WDR41: variants seen among roughly 807,000 people sequenced by gnomAD.
WDR41 encodes the protein WD repeat-containing protein 41.
In WDR41, 63 loss-of-function variants were observed where a neutral mutation model predicts 69.3. The ratio of observed to expected loss-of-function variants is 0.91; its 90% CI spans 0.74 to 1.12. The LOEUF (loss-of-function observed/expected upper bound fraction) is 1.12, where lower values mean the gene tolerates loss of function less well. Among genes scored for constraint, WDR41 ranks in the 50% most tolerant of loss-of-function variants. The pLI is 0.00. For synonymous variants in WDR41, 185 were observed against 192.1 expected (o/e 0.96, Z 0.31); for missense variants, 543 against 534.5 (o/e 1.02, Z -0.16).
chr5:77,598,943 C>A (rs764652245), intron 1 of WDR41, among the ~76,000 whole-genome samples: 2 of 151,934 alleles, frequency 1.3e-5, no homozygotes, highest in Non-Finnish European at 2.9e-5. Flanking sequence ...ATCAGGCATT[C>A]CTGACAAAAG....
At position 77,464,977 on chromosome 5, in the gene WDR41, A is replaced by G. The variant is rs550159190; in HGVS notation, c.168-168T>C. ...TGAAACACATTCCAGCTTCTGTACC[A>G]GGTATGGAAGATCAAAAGATAAATA... On this transcript the variant is annotated intron_variant, in intron 2 of 12. Transcript: ENST00000296679. Among the ~76,000 whole-genome samples, 68 of 152,344 alleles carry G rather than the reference A, an allele frequency of 4.5e-4. No homozygotes were observed. In the South Asian group the frequency reaches 0.014, roughly 31 times the overall value.
chr5:77,487,186 T>C (rs1801562477), intron 2 of WDR41, among the ~76,000 whole-genome samples: 1 of 152,210 alleles, frequency 6.6e-6, no homozygotes, highest in African/African-American at 2.4e-5. Flanking sequence ...TCACATACTG[T>C]GTATTTATTA....
chr5:77,447,404 C>T (rs564347104), intron 8 of WDR41, among the ~76,000 whole-genome samples: 3 of 152,166 alleles, frequency 2.0e-5, no homozygotes, highest in Admixed American at 6.5e-5. Flanking sequence ...ACCCAGCAAT[C>T]CCATTACTTT....
chr5:77,498,085 G>A (rs146114189), intron 1 of WDR41, among the ~76,000 whole-genome samples: 313 of 152,282 alleles, frequency 2.1e-3, no homozygotes, highest in Middle Eastern at 6.8e-3. Flanking sequence ...TACCAGGGAT[G>A]GGAGAGGGGG....
At chr5:77,459,707 T>G (rs990031710) in intron 4 of WDR41, among the ~76,000 whole-genome samples, 2 of 152,174 alleles carry the variant, frequency 1.3e-5, no homozygotes, top group Non-Finnish European at 2.9e-5. Context: ...AAGAAATACA[T>G]TTTACACCAT....
At chr5:77,468,964 G>A (rs1166827350) in intron 2 of WDR41, among the ~76,000 whole-genome samples, 1 of 151,530 alleles carries the variant, frequency 6.6e-6, no homozygotes, top group Non-Finnish European at 1.5e-5. Flanking sequence ...CAATCTTTTT[G>A]TTGAAAAAAG....
chr5:77,555,704 T>C (rs1020562493), intron 1 of WDR41, among the ~76,000 whole-genome samples: 1 of 152,158 alleles, frequency 6.6e-6, no homozygotes, highest in Admixed American at 6.5e-5. Flanking sequence ...AAGATCCTTA[T>C]GAAGAAATTA....
intron 2 of WDR41, among the ~76,000 whole-genome samples, chr5:77,481,219 A>G (rs1485993535): frequency 6.6e-6 from 1 of 152,058 alleles, no homozygotes. Context: ...CATGTTGGGC[A>G]GGCTGGTCTC....
chr5:77,597,294 G>T (rs144111931), intron 1 of WDR41, among the ~76,000 whole-genome samples: 442 of 152,200 alleles, frequency 2.9e-3, no homozygotes, highest in African/African-American at 0.01. Flanking sequence ...GGGGAGAGTG[G>T]AGAATAACTC....
intron 2 of WDR41, among the ~76,000 whole-genome samples, chr5:77,484,203 T>C (rs1337276891): frequency 6.6e-6 from 1 of 152,180 alleles, no homozygotes; most frequent in Non-Finnish European, 1.5e-5. Flanking sequence ...CTGCAACATC[T>C]TATCCAACTA....
At chr5:77,455,161 G>A (rs1309251530) in intron 5 of WDR41, among the ~76,000 whole-genome samples, 1 of 152,060 alleles carries the variant, frequency 6.6e-6, no homozygotes, top group Non-Finnish European at 1.5e-5. Context: ...TTGTCTTTTA[G>A]ATATTAGCCA....
intron 1 of WDR41, among the ~76,000 whole-genome samples, chr5:77,564,778 C>T (rs76822357): frequency 0.048 from 7,298 of 152,194 alleles, 294 homozygotes; most frequent in South Asian, 0.2. Flanking sequence ...CTTCAGCTTC[C>T]ACCCACCTGC....
At chr5:77,577,376 G>C (rs1298180686) in intron 1 of WDR41, among the ~76,000 whole-genome samples, 3 of 144,592 alleles carry the variant, frequency 2.1e-5, no homozygotes, top group African/African-American at 5.1e-5. Flanking sequence ...TTCAAAATAG[G>C]AAACAAGTAT....
chr5:77,518,649 TA>T (rs1323550388), intron 1 of WDR41, among the ~76,000 whole-genome samples: 1 of 152,154 alleles, frequency 6.6e-6, no homozygotes, highest in East Asian at 1.9e-4. Flanking sequence ...ACTATTTTCT[TA>T]ATTTGTTTAT....
At chr5:77,478,310 C>G (rs569142839) in intron 2 of WDR41, among the ~76,000 whole-genome samples, 1 of 152,076 alleles carries the variant, frequency 6.6e-6, no homozygotes, top group South Asian at 2.1e-4. Context: ...AGGGAATCCT[C>G]CCTAACTCAT....
intron 8 of WDR41, among the ~76,000 whole-genome samples, chr5:77,448,007 G>A (rs983812037): frequency 6.6e-6 from 1 of 151,896 alleles, no homozygotes; most frequent in African/African-American, 2.4e-5. Flanking sequence ...ATGAATACTC[G>A]AAGAAAGCTT....
At chr5:77,583,847 G>A (rs554395993) in intron 1 of WDR41, among the ~76,000 whole-genome samples, 2 of 152,214 alleles carry the variant, frequency 1.3e-5, no homozygotes, top group African/African-American at 4.8e-5. Flanking sequence ...AAATATGGAT[G>A]CAAAAATTCT....
intron 1 of WDR41, among the ~76,000 whole-genome samples, chr5:77,583,991 C>T (rs1167894074): frequency 1.3e-5 from 2 of 152,288 alleles, no homozygotes; most frequent in Non-Finnish European, 2.9e-5. Flanking sequence ...TAAAAAACTA[C>T]ATAATCATCT....
intron 1 of WDR41, among the ~76,000 whole-genome samples, chr5:77,525,552 G>A (rs1802433100): frequency 6.6e-6 from 1 of 152,152 alleles, no homozygotes; most frequent in Non-Finnish European, 1.5e-5. Flanking sequence ...CAAAAAAAAT[G>A]TAAATAGTGG....
Sources: gnomAD v4.1 joint callset for allele counts (sites outside exome capture counted in the v4.1 genomes callset) on GRCh38, gnomAD v4.1.1 for gene constraint, MANE v1.5 for transcripts, NCBI Gene and HGNC (gene_info 2026-07-23, HGNC 2026-07-21) for gene names.